KANK1: variants seen among roughly 807,000 people sequenced by gnomAD.
KANK1 encodes the protein KN motif and ankyrin repeat domains 1.
KANK1 carries 109 observed loss-of-function variants against 106.2 expected under a neutral mutation model. That is an observed-to-expected ratio of 1.03 (90% CI 0.88 to 1.20). The LOEUF (loss-of-function observed/expected upper bound fraction) is 1.20. KANK1 is among the 50% of genes most tolerant of loss of function. The probability of loss-of-function intolerance (pLI) is 0.00; values close to 1 mark genes in which losing one functional copy is unlikely to be tolerated. For synonymous variants in KANK1, 873 were observed against 652.2 expected (o/e 1.34, Z -5.16); for missense variants, 2,399 against 1,710.7 (o/e 1.40, Z -7.10).
chr9:506,416 T>A (rs1225929988), intron 1 of KANK1, among the ~76,000 whole-genome samples: 1 of 152,172 alleles, frequency 6.6e-6, no homozygotes, highest in African/African-American at 2.4e-5. Context: ...GACCCACAAG[T>A]TGGGAATACA....
Position 711,955 on chromosome 9 carries a change from G to A in KANK1, c.1189G>A (p.Glu397Lys), listed in dbSNP as rs1261842182. 3 of 1,614,210 alleles carry A rather than the reference G, an allele frequency of 1.9e-6. No individual in the cohort carries two copies. Among genetic ancestry groups the A allele is most frequent in the Non-Finnish European group, 2.5e-6 (3 of 1,180,034 alleles). The part of the protein sequence containing the change: ...EASSELRENG[E>K]CRSVAVGAEE... The stretch of plus-strand genomic sequence containing the variant: ...CTCCTCAGAGCTCAGGGAGAATGGA[G>A]AGTGCCGGTCTGTGGCTGTGGGTGC... Residue 397 changes from glutamate (E) to lysine (K), a missense_variant, in exon 3 of 12, where the codon GAG becomes AAG. By Grantham distance (56) the Glu-to-Lys change is moderately conservative. Transcript: ENST00000382297.
chr9:742,859 A>G (rs1384989579), intron 10 of KANK1, among the ~76,000 whole-genome samples: 1 of 152,200 alleles, frequency 6.6e-6, no homozygotes, highest in African/African-American at 2.4e-5. Context: ...ACACTGACCC[A>G]TCAAAGTGAG....
intron 3 of KANK1, among the ~76,000 whole-genome samples, chr9:482,172 C>A (rs961152681): frequency 6.6e-6 from 1 of 152,180 alleles, no homozygotes; most frequent in African/African-American, 2.4e-5. Context: ...CATATCCCAG[C>A]CTCACCGCCT....
intron 1 of KANK1, among the ~76,000 whole-genome samples, chr9:585,772 G>A (rs1823307319): frequency 6.6e-6 from 1 of 152,082 alleles, no homozygotes; most frequent in Admixed American, 6.6e-5. Flanking sequence ...AGTCTATGGG[G>A]AACTGATGGG....
At chr9:704,226 A>T (rs1258246797) in intron 2 of KANK1, among the ~76,000 whole-genome samples, 1 of 152,214 alleles carries the variant, frequency 6.6e-6, no homozygotes, top group African/African-American at 2.4e-5. Context: ...AAAACAAAAT[A>T]GACCTTTATA....
At chr9:615,282 C>T (rs769608552) in intron 1 of KANK1, among the ~76,000 whole-genome samples, 2 of 152,152 alleles carry the variant, frequency 1.3e-5, no homozygotes, top group Admixed American at 6.5e-5. Context: ...TATTTTATTG[C>T]ATTTTATTTG....
At chr9:492,772 C>A (rs1459860344) in intron 3 of KANK1, among the ~76,000 whole-genome samples, 3 of 151,978 alleles carry the variant, frequency 2.0e-5, no homozygotes, top group Non-Finnish European at 4.4e-5. Context: ...TGCCTATAAT[C>A]CCAGCACTTT....
intron 1 of KANK1, among the ~76,000 whole-genome samples, chr9:579,386 G>C (rs1268552250): frequency 6.6e-6 from 1 of 152,196 alleles, no homozygotes; most frequent in Non-Finnish European, 1.5e-5. Flanking sequence ...GATCTTCAGA[G>C]AAAACCTAAG....
At chr9:598,855 C>G (rs1826976305) in intron 1 of KANK1, among the ~76,000 whole-genome samples, 1 of 149,684 alleles carries the variant, frequency 6.7e-6, no homozygotes, top group Non-Finnish European at 1.5e-5. Context: ...TGGTCTCGGA[C>G]TCCTGACCTC....
At chr9:483,460 A>G (rs10124576) in intron 3 of KANK1, among the ~76,000 whole-genome samples, 12,430 of 152,212 alleles carry the variant, frequency 0.082, 1,739 homozygotes, top group African/African-American at 0.28. Context: ...AATAGTTGCT[A>G]GGAGTGAGGG....
intron 7 of KANK1, 107 bp from the exon 8 acceptor site, chr9:738,178 C>A: frequency 1.1e-6 from 1 of 878,904 alleles, no homozygotes; most frequent in Non-Finnish European, 1.8e-6. Context: ...CAGATTCTAA[C>A]TGCATATATA....
At chr9:742,001 C>G (rs913785895) in intron 9 of KANK1, among the ~76,000 whole-genome samples, 1 of 152,194 alleles carries the variant, frequency 6.6e-6, no homozygotes, top group African/African-American at 2.4e-5. Context: ...GAAGTTGGCT[C>G]CTTACTTTAT....
chr9:604,418 A>T (rs1828567166), intron 1 of KANK1, among the ~76,000 whole-genome samples: 1 of 151,668 alleles, frequency 6.6e-6, no homozygotes, highest in African/African-American at 2.4e-5. Flanking sequence ...GGGAGTTCTC[A>T]TGAGATCTAA....
At chr9:551,816 G>C (rs184783615) in intron 1 of KANK1, among the ~76,000 whole-genome samples, 2 of 152,146 alleles carry the variant, frequency 1.3e-5, no homozygotes, top group South Asian at 4.2e-4. Context: ...GAGAGGCCAA[G>C]GCAGGAGGAT....
At chr9:497,444 ACACT>A (rs1424656856) in intron 3 of KANK1, among the ~76,000 whole-genome samples, 6 of 151,776 alleles carry the variant, frequency 4.0e-5, no homozygotes, top group Non-Finnish European at 1.5e-5. Flanking sequence ...ACACACACAC[ACACT>A]CACACTCACA....
chr9:544,470 G>A (rs2060807341), intron 1 of KANK1, among the ~76,000 whole-genome samples: 1 of 152,146 alleles, frequency 6.6e-6, no homozygotes. Flanking sequence ...TTGCTGATGA[G>A]CCATAACAAA....
At chr9:663,644 C>G (rs2361107) in intron 1 of KANK1, among the ~76,000 whole-genome samples, 24,991 of 152,114 alleles carry the variant, frequency 0.16, 2,976 homozygotes, top group East Asian at 0.33. Context: ...TCTGATAAAC[C>G]TTCACCATAG....
chr9:557,875 C>G (rs1815259682), intron 1 of KANK1, among the ~76,000 whole-genome samples: 1 of 152,170 alleles, frequency 6.6e-6, no homozygotes, highest in Admixed American at 6.5e-5. Flanking sequence ...CATGGTGGCA[C>G]ACGCCTGTGG....
chr9:744,660 G>A (rs1237467561), intron 11 of KANK1, 71 bp downstream of exon 11: 8 of 1,612,552 alleles, frequency 5.0e-6, no homozygotes, highest in Middle Eastern at 1.6e-4. Context: ...CTTCCTCCAG[G>A]AATTGACGGG....
Sources: allele counts gnomAD v4.1 joint callset (sites outside exome capture counted in the v4.1 genomes callset), GRCh38; gene constraint gnomAD v4.1.1; transcripts MANE v1.5; gene names NCBI Gene and HGNC (gene_info 2026-07-23, HGNC 2026-07-21).